The following CLIP2 variants were observed in gnomAD, a reference collection of about 807,000 sequenced individuals.
CLIP2 encodes the protein CAP-Gly domain containing linker protein 2.
CLIP2 carries 41 observed loss-of-function variants against 111.7 expected under a neutral mutation model. The ratio of observed to expected loss-of-function variants is 0.37; its 90% CI spans 0.29 to 0.48. The LOEUF (loss-of-function observed/expected upper bound fraction) is 0.48, where lower values mean the gene tolerates loss of function less well. CLIP2 is among the 20% of genes least tolerant of loss of function. The pLI is 0.99. For synonymous variants in CLIP2, 660 were observed against 644.2 expected (o/e 1.02, Z -0.37); for missense variants, 1,160 against 1,422.1 (o/e 0.82, Z 2.96).
At chr7:74,349,507 T>C (rs1554307112) in intron 3 of CLIP2, among the ~76,000 whole-genome samples, 1 of 135,428 alleles carries the variant, frequency 7.4e-6, no homozygotes, top group African/African-American at 2.7e-5. Flanking sequence ...TATATATATA[T>C]ATATGTAAAT....
chr7:74,379,137 C>T (rs1554313476), intron 10 of CLIP2, among the ~76,000 whole-genome samples: 2 of 152,116 alleles, frequency 1.3e-5, no homozygotes, highest in Non-Finnish European at 2.9e-5. Context: ...TTCACAGGTG[C>T]CCTTGGACCA....
chr7:74,399,448 G>A (rs1562732909), intron 14 of CLIP2, among the ~76,000 whole-genome samples: 1 of 151,376 alleles, frequency 6.6e-6, no homozygotes, highest in Non-Finnish European at 1.5e-5. Flanking sequence ...TGAGGTGGGA[G>A]GATCACTTGA....
chr7:74,307,231 G>A (rs909960601), intron 1 of CLIP2, among the ~76,000 whole-genome samples: 12 of 152,200 alleles, frequency 7.9e-5, no homozygotes, highest in Admixed American at 2.6e-4. Context: ...TTTGTGAGCC[G>A]TGGCAGGCGG....
chr7:74,372,830 CT>C, intron 8 of CLIP2, 101 bp from the exon 9 acceptor site: 1 of 634,226 alleles, frequency 1.6e-6, no homozygotes, highest in Non-Finnish European at 2.7e-6. Context: ...CCTCCTCTCT[CT>C]CTCTCTCTCT....
chr7:74,322,971 C>T (rs1015746407), intron 2 of CLIP2, among the ~76,000 whole-genome samples: 7 of 152,050 alleles, frequency 4.6e-5, no homozygotes, highest in Admixed American at 6.6e-5. Context: ...CCTTGTGATC[C>T]ACCTGCTTCG....
At chr7:74,381,774 G>A (rs1790953007) in intron 11 of CLIP2, 1 of 322,640 alleles carries the variant, frequency 3.1e-6, no homozygotes, top group Non-Finnish European at 6.1e-6. Flanking sequence ...CCATTGTGTG[G>A]AGGTACCATT....
At position 74,356,601 on chromosome 7, in the gene CLIP2, G is replaced by A; in HGVS notation, c.995G>A (p.Gly332Asp). 1 of 1,613,946 alleles carries A rather than the reference G, an allele frequency of 6.2e-7. No homozygotes were observed. The highest frequency in any genetic ancestry group is 1.3e-5 in the African/African-American group (1 of 75,046). Residue 332 changes from glycine (G) to aspartate (D), a missense_variant, in exon 5 of 17, where the codon GGT (glycine) becomes GAT (aspartate). Gly to Asp is a moderately conservative substitution (Grantham distance 94). This residue lies in a region of CLIP2 where 110 missense variants were observed against 185.2 expected (regional missense o/e 0.59). Coordinates refer to ENST00000223398, the MANE Select transcript of CLIP2 (RefSeq NM_003388.5). Reference protein sequence around the residue: ...SVSSVASSVGGRPSRSGLLTE... With the variant: ...SVSSVASSVGDRPSRSGLLTE... The stretch of plus-strand genomic sequence containing the variant: ...AGCTCTGTGGCCTCCTCCGTGGGGG[G>A]TCGGCCCAGCCGCAGTGGCCTGGTG...
At chr7:74,356,351 G>A in intron 4 of CLIP2, 59 bp from the exon 5 acceptor site, 1 of 1,425,508 alleles carries the variant, frequency 7.0e-7, no homozygotes, top group South Asian at 1.1e-5. Flanking sequence ...GAGGAGGCAG[G>A]GGAGGCTCTC....
At chr7:74,310,993 T>G (rs200543383) in intron 1 of CLIP2, among the ~76,000 whole-genome samples, 1 of 151,330 alleles carries the variant, frequency 6.6e-6, no homozygotes, top group Non-Finnish European at 1.5e-5. Context: ...CTTTTTTTTT[T>G]TTTTGAGACG....
chr7:74,329,093 T>G (rs1789203826), intron 2 of CLIP2, among the ~76,000 whole-genome samples: 1 of 146,240 alleles, frequency 6.8e-6, no homozygotes, highest in African/African-American at 2.5e-5. Context: ...TTTGGTTTTT[T>G]TTTTTTTTTT....
chr7:74,364,890 A>G (rs1554310506), intron 8 of CLIP2: 7 of 455,348 alleles, frequency 1.5e-5, no homozygotes, highest in Non-Finnish European at 2.6e-5. Context: ...AAGCATGGTC[A>G]TGTGCACCTG....
chr7:74,298,000 G>A (rs1377708280), intron 1 of CLIP2, among the ~76,000 whole-genome samples: 3 of 151,832 alleles, frequency 2.0e-5, no homozygotes, highest in African/African-American at 7.3e-5. Context: ...TGCTGTCCTA[G>A]GTACCGAGAA....
chr7:74,394,146 G>A (rs1001884026), intron 13 of CLIP2, among the ~76,000 whole-genome samples: 3 of 151,574 alleles, frequency 2.0e-5, no homozygotes, highest in East Asian at 1.9e-4. Context: ...CCTCATCCCC[G>A]TCTCCCTGCT....
intron 1 of CLIP2, among the ~76,000 whole-genome samples, chr7:74,300,368 A>G (rs1788299456): frequency 6.6e-6 from 1 of 152,040 alleles, no homozygotes; most frequent in African/African-American, 2.4e-5. Flanking sequence ...TCCCACTTAG[A>G]AGTGCAATCA....
intron 2 of CLIP2, among the ~76,000 whole-genome samples, chr7:74,327,886 C>T (rs1789161663): frequency 6.6e-6 from 1 of 152,202 alleles, no homozygotes; most frequent in Non-Finnish European, 1.5e-5. Flanking sequence ...GCCATCCGGG[C>T]CGCTCTTGCC....
intron 13 of CLIP2, among the ~76,000 whole-genome samples, chr7:74,390,165 G>GAAAGA (rs1791244876): frequency 2.1e-4 from 1 of 4,722 alleles, no homozygotes; most frequent in Non-Finnish European, 5.4e-4. Context: ...AAAGAAAGAA[G>GAAAGA]AAAGAAAGAA....
chr7:74,368,053 A>G (rs1554311133), intron 8 of CLIP2, among the ~76,000 whole-genome samples: 1 of 152,192 alleles, frequency 6.6e-6, no homozygotes, highest in African/African-American at 2.4e-5. Context: ...TCTCTACCCA[A>G]AATGGAAAAA....
At chr7:74,379,994 G>T (rs539099988) in intron 10 of CLIP2, 1 of 152,084 alleles carries the variant, frequency 6.6e-6, no homozygotes, top group East Asian at 1.9e-4. Flanking sequence ...TTACTGCATC[G>T]TATATAAATT....
chr7:74,360,152 C>T, intron 6 of CLIP2, 23 bp from the exon 7 acceptor site: 2 of 1,572,154 alleles, frequency 1.3e-6, no homozygotes, highest in East Asian at 2.3e-5. Context: ...CTGACCCTGT[C>T]CTGGCCTTCC....
Sources: allele counts gnomAD v4.1 joint callset (sites outside exome capture counted in the v4.1 genomes callset), GRCh38; gene constraint gnomAD v4.1.1; regional missense constraint gnomAD v4.1.1; transcripts MANE v1.5; gene names NCBI Gene and HGNC (gene_info 2026-07-23, HGNC 2026-07-21).